The following RHOBTB2 variants were observed in gnomAD, a reference collection of about 807,000 sequenced individuals.
RHOBTB2 encodes the protein Rho related BTB domain containing 2, also known as rho-related BTB domain-containing protein 2.
Under a neutral mutation model 66.5 loss-of-function variants are expected in RHOBTB2, and 39 were observed. The ratio of observed to expected loss-of-function variants is 0.59; its 90% CI spans 0.45 to 0.77. The LOEUF (loss-of-function observed/expected upper bound fraction) is 0.77, where lower values mean the gene tolerates loss of function less well. Ranked by LOEUF, RHOBTB2 falls within the 30% of genes least tolerant of loss-of-function variation. The probability of loss-of-function intolerance (pLI) is 0.00; values close to 1 mark genes in which losing one functional copy is unlikely to be tolerated. For missense variants in RHOBTB2, 755 were observed against 999.1 expected (o/e 0.76, Z 3.29); for synonymous variants, 390 against 395.0 (o/e 0.99, Z 0.15).
chr8:22,957,981 T>C, the RHOBTB2 span, among the ~76,000 whole-genome samples: 1 of 152,230 alleles, frequency 6.6e-6, no homozygotes, highest in Non-Finnish European at 1.5e-5. Context: ...TCCTGTGAAG[T>C]ATTTCTTCAT....
At chr8:22,995,874 G>C (rs1188313033), upstream of RHOBTB2, 1 of 1,551,568 alleles carries the variant, frequency 6.4e-7, no homozygotes, top group Non-Finnish European at 8.7e-7. Context: ...GGGGTGCCAT[G>C]AAAGCGCGGT....
At chr8:22,967,554 G>T in the RHOBTB2 span, among the ~76,000 whole-genome samples, 1 of 134,884 alleles carries the variant, frequency 7.4e-6, no homozygotes, top group African/African-American at 2.8e-5. Context: ...AGAGAGCCGA[G>T]ATCGTGCCAC....
upstream of RHOBTB2, among the ~76,000 whole-genome samples, chr8:22,986,014 G>A (rs567229994): frequency 2.6e-5 from 4 of 152,186 alleles, no homozygotes; most frequent in South Asian, 8.3e-4. Flanking sequence ...AGCAGGTCAA[G>A]GACAGTTAAG....
the RHOBTB2 span, among the ~76,000 whole-genome samples, chr8:22,962,179 C>CAAAAAA: frequency 7.2e-5 from 1 of 13,832 alleles, no homozygotes; most frequent in Non-Finnish European, 1.2e-4. Context: ...AACGAATTTA[C>CAAAAAA]AAAAAAAAAA....
the RHOBTB2 span, among the ~76,000 whole-genome samples, chr8:22,963,838 A>G: frequency 1.3e-5 from 2 of 151,950 alleles, no homozygotes; most frequent in Non-Finnish European, 2.9e-5. Context: ...CTGGAGTGCA[A>G]TGATGTGATC....
intron 2 of RHOBTB2, chr8:22,994,475 C>CTAA (rs1484691762): frequency 2.5e-6 from 2 of 797,260 alleles, no homozygotes; most frequent in East Asian, 5.4e-5. Context: ...GCTGAGCGAC[C>CTAA]TTGGAGTAAT....
intron 7 of RHOBTB2, among the ~76,000 whole-genome samples, chr8:23,013,938 T>G (rs1168087331): frequency 2.0e-5 from 3 of 152,224 alleles, no homozygotes; most frequent in Non-Finnish European, 4.4e-5. Flanking sequence ...TTCCTCTCTA[T>G]CTGGAATGAT....
the RHOBTB2 span, among the ~76,000 whole-genome samples, chr8:22,955,176 T>G: frequency 6.6e-6 from 1 of 152,050 alleles, no homozygotes; most frequent in African/African-American, 2.4e-5. Context: ...GCATTGCCTA[T>G]GGCCAGTAAA....
chr8:22,982,417 T>A (rs1296950348), upstream of RHOBTB2, among the ~76,000 whole-genome samples: 1 of 151,988 alleles, frequency 6.6e-6, no homozygotes, highest in East Asian at 1.9e-4. Context: ...AGGTCAGGAG[T>A]TCGTGACCAG....
At chr8:22,970,467 T>C in the RHOBTB2 span, among the ~76,000 whole-genome samples, 3 of 152,160 alleles carry the variant, frequency 2.0e-5, no homozygotes, top group African/African-American at 7.2e-5. Flanking sequence ...AGCTGGGCAT[T>C]GTGCATGCCT....
At chr8:23,008,616 A>G (rs1218689221) in intron 6 of RHOBTB2, among the ~76,000 whole-genome samples, 1 of 152,166 alleles carries the variant, frequency 6.6e-6, no homozygotes, top group African/African-American at 2.4e-5. Flanking sequence ...GTCATTGATA[A>G]GACAACTTGT....
At chr8:22,961,303 G>A in the RHOBTB2 span, among the ~76,000 whole-genome samples, 1 of 152,150 alleles carries the variant, frequency 6.6e-6, no homozygotes, top group Admixed American at 6.5e-5. Flanking sequence ...CTGAGCTCCA[G>A]TCAATCACAA....
At position 23,000,088 on chromosome 8, in the gene RHOBTB2, C is replaced by T; in HGVS notation, c.-28C>T. The stretch of plus-strand genomic sequence containing the variant: ...ATGTGTTCCTCACGCTAGAAGCCAC[C>T]CCGTCACATGTAGTGGTGTAAGTAG... On this transcript the variant is annotated 5_prime_UTR_variant, in exon 1 of 10. Transcript: ENST00000251822. The T allele has an allele frequency of 1.0e-6, 1 of 985,476 alleles. No individual in the cohort carries two copies. The highest frequency in any genetic ancestry group is 1.2e-6 in the Non-Finnish European group (1 of 829,948). The allele number at this position is 985,476 out of a possible 1,614,324, so 61.0% of individuals were successfully genotyped here. A position where few individuals can be genotyped will look rare whatever the true frequency, so the allele number is the denominator to read the frequency against.
upstream of RHOBTB2, among the ~76,000 whole-genome samples, chr8:22,986,551 G>A (rs562534078): frequency 2.1e-4 from 32 of 151,950 alleles, no homozygotes; most frequent in African/African-American, 3.6e-4. Context: ...GAGCCACCAC[G>A]CCTGGCCCCC....
At chr8:23,002,101 C>T (rs1309074066) in intron 1 of RHOBTB2, among the ~76,000 whole-genome samples, 2 of 152,210 alleles carry the variant, frequency 1.3e-5, no homozygotes, top group Non-Finnish European at 2.9e-5. Flanking sequence ...CATTAGGCCT[C>T]CTCATTCCCC....
chr8:22,965,403 T>C, the RHOBTB2 span, among the ~76,000 whole-genome samples: 11 of 144,728 alleles, frequency 7.6e-5, 1 homozygote, highest in Admixed American at 1.4e-4. Context: ...ATCCCAATTA[T>C]GCTTTTTTGC....
the RHOBTB2 span, among the ~76,000 whole-genome samples, chr8:22,964,245 T>C: frequency 3.9e-5 from 6 of 152,060 alleles, no homozygotes; most frequent in African/African-American, 7.2e-5. Flanking sequence ...GTGGGAATTG[T>C]GGGAGTTACA....
At chr8:22,963,955 A>G in the RHOBTB2 span, among the ~76,000 whole-genome samples, 1 of 151,936 alleles carries the variant, frequency 6.6e-6, no homozygotes, top group South Asian at 2.1e-4. Context: ...CTAATTTTGT[A>G]TTTTTAGTAG....
chr8:23,006,762 A>G lies in RHOBTB2; in HGVS notation c.517A>G (p.Lys173Glu), dbSNP rs1810962395. 1 of 1,613,128 alleles carries G rather than the reference A, an allele frequency of 6.2e-7. No individual in the cohort carries two copies. Among genetic ancestry groups the G allele is most frequent in the African/African-American group, 1.3e-5 (1 of 74,882 alleles). Residue 173 changes from lysine (K) to glutamate (E), a missense_variant, in exon 5 of 10, where the codon AAG (lysine) becomes GAG (glutamate). Around this residue, in one of 7 missense-constraint regions of RHOBTB2, gnomAD observed 20 missense variants for 59.0 expected, o/e 0.34. Transcript: ENST00000251822. The surrounding 1 kb of genome is among the most constrained non-coding windows in gnomAD (Gnocchi z 6.1). The stretch of plus-strand genomic sequence containing the variant: ...ACCTAATGAAATCCTGCCCCCAGAG[A>G]AGGGTCGGGAGGTGGCCAAGGAGCT... ...IKPNEILPPEKGREVAKELGI... is the reference protein window; with the variant it reads ...IKPNEILPPEEGREVAKELGI...
Sources: allele counts gnomAD v4.1 joint callset (sites outside exome capture counted in the v4.1 genomes callset), GRCh38; gene constraint gnomAD v4.1.1; regional missense constraint gnomAD v4.1.1; non-coding constraint Gnocchi (gnomAD v3.1); transcripts MANE v1.5; gene names NCBI Gene and HGNC (gene_info 2026-07-23, HGNC 2026-07-21).